The following IL4I1 variants were observed in gnomAD, a reference collection of about 807,000 sequenced individuals.
The protein encoded by IL4I1 is L-amino-acid oxidase.
IL4I1 carries 24 observed loss-of-function variants against 29.7 expected under a neutral mutation model. The ratio of observed to expected loss-of-function variants is 0.81; its 90% CI spans 0.59 to 1.14. The LOEUF (loss-of-function observed/expected upper bound fraction) is 1.14. Ranked by LOEUF, IL4I1 falls within the 50% of genes most tolerant of loss-of-function variation. The pLI is 0.00. For missense variants in IL4I1, 686 were observed against 785.6 expected, an observed-to-expected ratio of 0.87 and a Z score of 1.52; for synonymous variants, 371 against 352.5, an observed-to-expected ratio of 1.05 and a Z score of -0.59.
At chr19:49,914,503 TGCCC>T (rs1023810458) in intron 2 of IL4I1, among the ~76,000 whole-genome samples, 34 of 152,220 alleles carry the variant, frequency 2.2e-4, no homozygotes, top group African/African-American at 7.5e-4. Context: ...CCTGCCTGCC[TGCCC>T]CAACATTTAC....
chr19:49,896,390 A>C (rs2075211369), intron 1 of IL4I1, among the ~76,000 whole-genome samples: 1 of 150,532 alleles, frequency 6.6e-6, no homozygotes. Flanking sequence ...CCTCTGCCAC[A>C]GCTCTCTCGG....
chr19:49,893,245 G>A (rs1449031484), intron 5 of IL4I1, among the ~76,000 whole-genome samples: 4 of 151,982 alleles, frequency 2.6e-5, no homozygotes, highest in Admixed American at 2.6e-4. Flanking sequence ...CTGGTACCAG[G>A]CTGGGGAGAC....
upstream of IL4I1, among the ~76,000 whole-genome samples, chr19:49,899,924 T>A (rs2075256745): frequency 6.6e-6 from 1 of 152,064 alleles, no homozygotes; most frequent in Non-Finnish European, 1.5e-5. Flanking sequence ...GGTCTTGAAC[T>A]CCTGGGCTTA....
At chr19:49,910,505 C>A (rs1249106796) in intron 2 of IL4I1, among the ~76,000 whole-genome samples, 1 of 152,180 alleles carries the variant, frequency 6.6e-6, no homozygotes, top group Non-Finnish European at 1.5e-5. Flanking sequence ...ACAGATGCCC[C>A]TGGCTGCAGT....
intron 5 of IL4I1, among the ~76,000 whole-genome samples, chr19:49,892,077 C>CTTTT (rs773013384): frequency 1.8e-4 from 22 of 120,184 alleles, no homozygotes; most frequent in East Asian, 5.2e-4. Context: ...CCCTCAATGT[C>CTTTT]TTTTTTTTTT....
At chr19:49,906,015 A>G (rs1328165364) in intron 2 of IL4I1, among the ~76,000 whole-genome samples, 1 of 152,124 alleles carries the variant, frequency 6.6e-6, no homozygotes, top group Non-Finnish European at 1.5e-5. Flanking sequence ...GCAGGAGGCC[A>G]AAGGGGTACA....
In IL4I1 at chr19:49,891,429, C is replaced by T. The variant is rs766920861; in HGVS notation, c.612G>A (p.Lys204=). The T allele has an allele frequency of 5.6e-6, 9 of 1,614,202 alleles. No homozygotes were observed. The highest frequency in any genetic ancestry group is 7.6e-6 in the Non-Finnish European group (9 of 1,180,038). ...CCAAGAGCGTGTGCCTTTCAAACTTCTTCATCGCCTTTCTGCAGCCCAGTG... is the reference window on the plus strand; with the variant it reads ...CCAAGAGCGTGTGCCTTTCAAACTTTTTCATCGCCTTTCTGCAGCCCAGTG... ...LKALGCRKAM[K]KFERHTLLEY... Residue 204 remains lysine, a synonymous_variant, in exon 6 of 8, where the codon AAG becomes AAA. Transcript: ENST00000391826.
At chr19:49,894,988 TTCGGGCCCAC>T (rs1355978060) in intron 4 of IL4I1, 70 bp downstream of exon 4, 2 of 1,065,044 alleles carry the variant, frequency 1.9e-6, no homozygotes, top group African/African-American at 3.1e-5. Context: ...AGAGTGGAAG[TTCGGGCCCAC>T]TCTGGTGTGG....
chr19:49,894,687 G>A (rs2075182550), intron 4 of IL4I1, among the ~76,000 whole-genome samples: 1 of 152,004 alleles, frequency 6.6e-6, no homozygotes, highest in South Asian at 2.1e-4. Context: ...ATTGGGTTAA[G>A]AGTGGGATAG....
chr19:49,910,261 C>T (rs1315933757), intron 2 of IL4I1, among the ~76,000 whole-genome samples: 1 of 152,024 alleles, frequency 6.6e-6, no homozygotes, highest in African/African-American at 2.4e-5. Flanking sequence ...AGCGTGGGAC[C>T]CAGTGAGGTT....
chr19:49,900,780 T>C (rs1487934331), upstream of IL4I1, among the ~76,000 whole-genome samples: 1 of 151,956 alleles, frequency 6.6e-6, no homozygotes, highest in Non-Finnish European at 1.5e-5. Context: ...GGTTTGGGGG[T>C]ATTCTGGTTT....
At chr19:49,913,667 T>G (rs1272861088) in intron 2 of IL4I1, among the ~76,000 whole-genome samples, 2 of 152,242 alleles carry the variant, frequency 1.3e-5, no homozygotes. Flanking sequence ...ATCTCTCCCC[T>G]TTGCTGTTTT....
At chr19:49,920,710 A>G (rs1261747485) in intron 2 of IL4I1, among the ~76,000 whole-genome samples, 1 of 152,212 alleles carries the variant, frequency 6.6e-6, no homozygotes, top group Non-Finnish European at 1.5e-5. Context: ...GGTTGAGAAC[A>G]GGCTGGGGAA....
At chr19:49,918,214 C>T (rs1035115806) in intron 2 of IL4I1, among the ~76,000 whole-genome samples, 2 of 152,008 alleles carry the variant, frequency 1.3e-5, no homozygotes, top group Admixed American at 6.6e-5. Flanking sequence ...TACAGGCATA[C>T]GCCGCCATGC....
At chr19:49,928,645 G>A (rs943120662) in intron 1 of IL4I1, 12 of 152,290 alleles carry the variant, frequency 7.9e-5, no homozygotes, top group African/African-American at 2.4e-4. Flanking sequence ...TTTACAGATA[G>A]GGAAATGAAG....
upstream of IL4I1, among the ~76,000 whole-genome samples, chr19:49,897,661 C>T (rs2075228614): frequency 6.6e-6 from 1 of 152,128 alleles, no homozygotes; most frequent in Admixed American, 6.5e-5. Context: ...TCACCCATCC[C>T]TGCTTTAAGA....
chr19:49,908,992 G>A lies in IL4I1; in HGVS notation c.-227-4671C>T, dbSNP rs567088786. ...TGGTGGCGGTGGCGGTGGCAGCGGT[G>A]GATGTTGTTGTGGAGGTGCCGGAAG... is the stretch of plus-strand genomic sequence containing the variant. On this transcript the variant is annotated intron_variant, in intron 2 of 9. Transcript: ENST00000341114. The A allele has an allele frequency of 6.8e-6, 11 of 1,611,064 alleles. No homozygotes were observed. The South Asian group carries it at 9.9e-5, about 14-fold the overall frequency.
intron 2 of IL4I1, among the ~76,000 whole-genome samples, chr19:49,912,357 T>C (rs1176469832): frequency 6.6e-6 from 1 of 151,978 alleles, no homozygotes; most frequent in Admixed American, 6.6e-5. Context: ...TTAGTAGAGA[T>C]GGGGTTTCTC....
At chr19:49,915,412 AG>A (rs1301701926) in intron 2 of IL4I1, among the ~76,000 whole-genome samples, 1 of 152,224 alleles carries the variant, frequency 6.6e-6, no homozygotes, top group Non-Finnish European at 1.5e-5. Flanking sequence ...CCACAAGCCA[AG>A]GAACACAGGC....
Sources: gnomAD v4.1 joint callset for allele counts (sites outside exome capture counted in the v4.1 genomes callset) on GRCh38, gnomAD v4.1.1 for gene constraint, MANE v1.5 for transcripts, NCBI Gene and HGNC (gene_info 2026-07-23, HGNC 2026-07-21) for gene names.